The following CAMTA1 variants were observed in gnomAD, a reference collection of about 807,000 sequenced individuals.
CAMTA1 encodes the protein calmodulin-binding transcription activator 1.
Under a neutral mutation model 170.9 loss-of-function variants are expected in CAMTA1, and 27 were observed. The ratio of observed to expected loss-of-function variants is 0.16; its 90% CI spans 0.12 to 0.22. The LOEUF is 0.22. Ranked by LOEUF, CAMTA1 falls within the 10% of genes least tolerant of loss-of-function variation. CAMTA1 has a pLI of 1.00. For synonymous variants in CAMTA1, 833 were observed against 891.5 expected, an observed-to-expected ratio of 0.93 and a Z score of 1.17; for missense variants, 1,619 against 2,217.2, an observed-to-expected ratio of 0.73 and a Z score of 5.42.
intron 11 of CAMTA1, among the ~76,000 whole-genome samples, chr1:7,704,873 GA>G (rs2096491189): frequency 6.8e-6 from 1 of 147,588 alleles, no homozygotes; most frequent in Non-Finnish European, 1.5e-5. Context: ...TGACGAGCAG[GA>G]GCCGAGCTCA....
Position 7,559,145 on chromosome 1 carries a change from C to T in CAMTA1, c.511-81255C>T, listed in dbSNP as rs76690053. Among the ~76,000 whole-genome samples the T allele has an allele frequency of 3.2e-3, 493 of 152,280 alleles. 2 individuals carry two copies. Among genetic ancestry groups the T allele is most frequent in the African/African-American group, 0.011 (446 of 41,548 alleles). On this transcript the variant is annotated intron_variant, in intron 6 of 22. Transcript: ENST00000303635. Reference sequence around the variant, plus strand: ...CTGGCACCGGTGGTGCTGTCTGGCACGGAGGCCGGCTGTAGGCATTGCCGC... The same window carrying T: ...CTGGCACCGGTGGTGCTGTCTGGCATGGAGGCCGGCTGTAGGCATTGCCGC...
At chr1:7,124,705 G>A (rs959120010) in intron 4 of CAMTA1, among the ~76,000 whole-genome samples, 2 of 152,322 alleles carry the variant, frequency 1.3e-5, no homozygotes, top group East Asian at 3.9e-4. Flanking sequence ...CATGGGTCTC[G>A]TTCTTGAGTC....
At chr1:7,349,383 G>A (rs2084478113) in intron 5 of CAMTA1, among the ~76,000 whole-genome samples, 2 of 152,128 alleles carry the variant, frequency 1.3e-5, no homozygotes, top group African/African-American at 4.8e-5. Context: ...GGCCTAAAGG[G>A]GAAACTCACT....
At chr1:7,555,236 C>T (rs1489638922) in intron 6 of CAMTA1, among the ~76,000 whole-genome samples, 3 of 152,076 alleles carry the variant, frequency 2.0e-5, no homozygotes, top group East Asian at 1.9e-4. Flanking sequence ...CTGACAGCTT[C>T]GATTGACAGA....
At chr1:7,490,115 A>T (rs560346777) in intron 6 of CAMTA1, among the ~76,000 whole-genome samples, 1 of 152,272 alleles carries the variant, frequency 6.6e-6, no homozygotes, top group African/African-American at 2.4e-5. Flanking sequence ...ATCCTAGTTA[A>T]TGTTGCAGAG....
intron 4 of CAMTA1, among the ~76,000 whole-genome samples, chr1:7,237,751 G>A (rs978608501): frequency 1.3e-5 from 2 of 152,200 alleles, no homozygotes; most frequent in South Asian, 4.1e-4. Flanking sequence ...AGTGTTTGGA[G>A]CTGGCCTCTC....
chr1:7,553,482 G>T (rs1368445877), intron 6 of CAMTA1, among the ~76,000 whole-genome samples: 2 of 152,226 alleles, frequency 1.3e-5, no homozygotes, highest in Non-Finnish European at 2.9e-5. Flanking sequence ...CCCCTGGAGG[G>T]AGCTCACAGC....
intron 5 of CAMTA1, among the ~76,000 whole-genome samples, chr1:7,419,925 G>A (rs575046488): frequency 4.0e-5 from 6 of 151,842 alleles, no homozygotes; most frequent in South Asian, 4.2e-4. Flanking sequence ...GTTTTGCCAC[G>A]CTGGACCACT....
At chr1:7,136,974 G>A (rs1161299650) in intron 4 of CAMTA1, among the ~76,000 whole-genome samples, 1 of 152,092 alleles carries the variant, frequency 6.6e-6, no homozygotes, top group Non-Finnish European at 1.5e-5. Flanking sequence ...TCTAGCCCTG[G>A]CTTTCCCCTG....
rs1708527209 is a variant in CAMTA1 at position 7,063,329 on chromosome 1, C to T, written c.235-27975C>T. On this transcript the variant is annotated intron_variant, in intron 3 of 22. Transcript: ENST00000303635. The surrounding 1 kb of genome is among the most constrained non-coding windows in gnomAD (Gnocchi z 4.3). ...TCTCAGACCCGTCAGTGTGCTGAGG[C>T]GCAGCTTCCCAGAGGGAGGTGTCAT... Among the ~76,000 whole-genome samples, 1 of 152,190 alleles carries T rather than the reference C, an allele frequency of 6.6e-6. No homozygotes were observed. The highest frequency in any genetic ancestry group is 1.5e-5 in the Non-Finnish European group (1 of 68,036).
chr1:7,175,914 A>G (rs1040618178), intron 4 of CAMTA1, among the ~76,000 whole-genome samples: 8 of 152,098 alleles, frequency 5.3e-5, no homozygotes, highest in Non-Finnish European at 7.3e-5. Flanking sequence ...AGCTATTTTC[A>G]TGGTCATTGA....
chr1:7,755,494 G>C (rs12408963), intron 21 of CAMTA1, 144 bp from the exon 22 acceptor site: 1 of 662,780 alleles, frequency 1.5e-6, no homozygotes, highest in African/African-American at 1.8e-5. Context: ...CTCATTTCAC[G>C]TACCCCACCA....
At chr1:7,169,240 A>G (rs1374219079) in intron 4 of CAMTA1, among the ~76,000 whole-genome samples, 2 of 152,108 alleles carry the variant, frequency 1.3e-5, no homozygotes, top group Non-Finnish European at 2.9e-5. Flanking sequence ...AATGGCTTCT[A>G]TATTTCTTTT....
At chr1:6,986,669 A>G (rs1695409675) in intron 3 of CAMTA1, among the ~76,000 whole-genome samples, 1 of 151,918 alleles carries the variant, frequency 6.6e-6, no homozygotes. Flanking sequence ...TCACCCCATT[A>G]ACCCGGGGAG....
rs532475107 is a variant in CAMTA1, at chr1:7,408,416, C to T, written c.439-59414C>T. Among the ~76,000 whole-genome samples, 7 of 152,366 alleles carry T rather than the reference C, an allele frequency of 4.6e-5. No homozygotes were observed. In the South Asian group the frequency reaches 1.4e-3, roughly 32 times the overall value. On this transcript the variant is annotated intron_variant, in intron 5 of 22. Transcript: ENST00000303635. The stretch of plus-strand genomic sequence containing the variant: ...AGTCATTAGGAGCAGCCCCTCCCCT[C>T]CTCCCCATGCCTCGCCTCGCTCCTG...
intron 11 of CAMTA1, among the ~76,000 whole-genome samples, chr1:7,730,386 T>C (rs529809665): frequency 1.4e-4 from 22 of 152,294 alleles, no homozygotes; most frequent in African/African-American, 4.1e-4. Context: ...TCGCATGTGC[T>C]ATTACCAGGC....
rs574251473 is a variant in CAMTA1 at position 7,177,932 on chromosome 1, G to T, written c.303-71559G>T. ...AGGCGGAGGCTCTTCCGACACAGAGGCTCCTCTCCACACACGGAGGCTCCT... is the reference window on the plus strand; with the variant it reads ...AGGCGGAGGCTCTTCCGACACAGAGTCTCCTCTCCACACACGGAGGCTCCT... On this transcript the variant is annotated intron_variant, in intron 4 of 22. Transcript: ENST00000303635. Among the ~76,000 whole-genome samples the T allele has an allele frequency of 9.0e-4, 136 of 151,102 alleles. No homozygotes were observed. In the Middle Eastern group the frequency reaches 0.01, roughly 12 times the overall value.
chr1:6,801,277 T>C (rs1472911035), intron 1 of CAMTA1, among the ~76,000 whole-genome samples: 1 of 152,184 alleles, frequency 6.6e-6, no homozygotes, highest in Non-Finnish European at 1.5e-5. Flanking sequence ...ATGGTGATAG[T>C]GGCGACCTCT....
intron 5 of CAMTA1, among the ~76,000 whole-genome samples, chr1:7,316,705 A>G (rs1227090811): frequency 6.6e-6 from 1 of 152,182 alleles, no homozygotes; most frequent in Admixed American, 6.5e-5. Context: ...CAGGGAGTTC[A>G]CAATCTGGGG....
Sources: gnomAD v4.1 joint callset for allele counts (sites outside exome capture counted in the v4.1 genomes callset) on GRCh38, gnomAD v4.1.1 for gene constraint, Gnocchi (gnomAD v3.1) non-coding constraint, MANE v1.5 for transcripts, NCBI Gene and HGNC (gene_info 2026-07-23, HGNC 2026-07-21) for gene names.